Variants in PTPRG observed in about 807,000 individuals in gnomAD.
The protein encoded by PTPRG is protein tyrosine phosphatase receptor type G.
Under a neutral mutation model 165.3 loss-of-function variants are expected in PTPRG, and 102 were observed. That is an observed-to-expected ratio of 0.62 (90% confidence interval 0.53 to 0.73). The LOEUF (loss-of-function observed/expected upper bound fraction) is 0.73, where lower values mean the gene tolerates loss of function less well. PTPRG is among the 30% of genes least tolerant of loss of function. PTPRG has a pLI of 0.00. For missense variants in PTPRG, 1,866 were observed against 1,861.4 expected, an observed-to-expected ratio of 1.00 and a Z score of -0.05; for synonymous variants, 675 against 669.5, an observed-to-expected ratio of 1.01 and a Z score of -0.13.
At position 62,224,262 on chromosome 3, in the gene PTPRG, AG is replaced by A. The variant is rs556842191; in HGVS notation, c.2288+5280del. On this transcript the variant is annotated intron_variant, in intron 13 of 29. Transcript: ENST00000474889. The surrounding 1 kb of genome is among the most constrained non-coding windows in gnomAD (Gnocchi z 4.9). ...TTAGAGTAAGCTTCATTGATGTTGC[AG>A]CAGACACACCCTAGAACCCCAGTGG... Among the ~76,000 whole-genome samples the A allele has an allele frequency of 8.3e-4, 126 of 152,338 alleles. No homozygotes were observed. Among genetic ancestry groups the A allele is most frequent in the Non-Finnish European group, 1.6e-3 (112 of 68,036 alleles).
At chr3:62,131,043 T>C (rs1370844801) in intron 5 of PTPRG, among the ~76,000 whole-genome samples, 1 of 152,206 alleles carries the variant, frequency 6.6e-6, no homozygotes, top group African/African-American at 2.4e-5. Context: ...ATTCTGAATT[T>C]ACGCTCTAGA....
intron 8 of PTPRG, among the ~76,000 whole-genome samples, chr3:62,174,071 C>T (rs17066234): frequency 0.089 from 13,536 of 152,206 alleles, 867 homozygotes; most frequent in East Asian, 0.35. Flanking sequence ...CCTTTGTCGG[C>T]AAATAACTTA....
intron 2 of PTPRG, among the ~76,000 whole-genome samples, chr3:61,973,660 C>T (rs1044987746): frequency 1.3e-5 from 2 of 151,878 alleles, no homozygotes; most frequent in African/African-American, 2.4e-5. Flanking sequence ...GGTGAAACCT[C>T]ATCTCTACTA....
intron 2 of PTPRG, among the ~76,000 whole-genome samples, chr3:61,807,202 G>A (rs1248016564): frequency 1.3e-5 from 2 of 151,312 alleles, no homozygotes; most frequent in African/African-American, 4.8e-5. Flanking sequence ...TCTACCATTG[G>A]TCAGGGGAAA....
At chr3:61,840,782 G>GTTTTTTTT (rs149041037) in intron 2 of PTPRG, among the ~76,000 whole-genome samples, 29 of 120,088 alleles carry the variant, frequency 2.4e-4, no homozygotes, top group East Asian at 1.1e-3. Flanking sequence ...TTGTTTGTTT[G>GTTTTTTTT]TTTTTTTTTT....
intron 1 of PTPRG, among the ~76,000 whole-genome samples, chr3:61,715,640 T>A (rs941619355): frequency 9.9e-5 from 15 of 152,226 alleles, no homozygotes; most frequent in Non-Finnish European, 1.5e-4. Context: ...CAGGAGTGAG[T>A]GCAGCTGGGT....
At chr3:61,945,771 C>T (rs1316457382) in intron 2 of PTPRG, among the ~76,000 whole-genome samples, 1 of 152,084 alleles carries the variant, frequency 6.6e-6, no homozygotes, top group Admixed American at 6.6e-5. Flanking sequence ...TTAGAGAACA[C>T]ATTGCATAAC....
At chr3:62,119,779 C>A (rs1393307957) in intron 5 of PTPRG, among the ~76,000 whole-genome samples, 1 of 141,148 alleles carries the variant, frequency 7.1e-6, no homozygotes, top group East Asian at 2.1e-4. Context: ...GGCCACCACG[C>A]CTGGCTAATT....
At chr3:61,781,028 C>T (rs181017662) in intron 2 of PTPRG, among the ~76,000 whole-genome samples, 1 of 152,286 alleles carries the variant, frequency 6.6e-6, no homozygotes, top group African/African-American at 2.4e-5. Context: ...ACTTGGGTCT[C>T]TTTAGTTATC....
intron 4 of PTPRG, among the ~76,000 whole-genome samples, chr3:62,072,964 G>A (rs1436958284): frequency 6.6e-6 from 1 of 152,108 alleles, no homozygotes; most frequent in Non-Finnish European, 1.5e-5. Flanking sequence ...CTTGATAGGA[G>A]TTGCTAAAAA....
Position 62,210,142 on chromosome 3 carries a change from A to G in PTPRG, c.2155+6192A>G, listed in dbSNP as rs1231099733. Among the ~76,000 whole-genome samples the G allele has an allele frequency of 6.6e-6, 1 of 152,200 alleles. No homozygotes were observed. The highest frequency in any genetic ancestry group is 1.9e-4 in the East Asian group (1 of 5,196). ...TCTGGTGAATTAAGCTCTGCATGAA[A>G]TGGTAAGGGAGCACTTATTCACAGG... On this transcript the variant is annotated intron_variant, in intron 12 of 29. Transcript: ENST00000474889. The surrounding 1 kb of genome is among the most constrained non-coding windows in gnomAD (Gnocchi z 4.1).
intron 4 of PTPRG, among the ~76,000 whole-genome samples, chr3:62,057,446 C>T (rs1358266405): frequency 6.6e-6 from 1 of 152,182 alleles, no homozygotes; most frequent in African/African-American, 2.4e-5. Context: ...ATGCCATTTC[C>T]TGAGACACGT....
rs996084771 is a variant in PTPRG, at chr3:62,083,945, T to C, written c.615+5687T>C. On this transcript the variant is annotated intron_variant, in intron 5 of 29. Transcript: ENST00000474889. ...TATATTGTTATTGAATTTATTATCT[T>C]AAGGGGAACATCTCATTCATTTCAT... 4.6e-5 allele frequency among the ~76,000 whole-genome samples: 7 copies of C among 152,230 alleles called. 1 individual carries two copies. Among genetic ancestry groups the C allele is most frequent in the South Asian group, 2.1e-4 (1 of 4,830 alleles).
chr3:61,669,598 A>G (rs1229295736), intron 1 of PTPRG, among the ~76,000 whole-genome samples: 2 of 152,188 alleles, frequency 1.3e-5, no homozygotes, highest in African/African-American at 2.4e-5. Flanking sequence ...CCTGCAGTGT[A>G]TTGTTGAATG....
At chr3:61,783,817 G>C (rs1163718283) in intron 2 of PTPRG, among the ~76,000 whole-genome samples, 1 of 152,148 alleles carries the variant, frequency 6.6e-6, no homozygotes. Context: ...GTTGCATATC[G>C]GGGCCTTGTC....
chr3:61,699,254 T>C (rs1261518221), intron 1 of PTPRG, among the ~76,000 whole-genome samples: 1 of 152,208 alleles, frequency 6.6e-6, no homozygotes, highest in Non-Finnish European at 1.5e-5. Flanking sequence ...AAAAATTATT[T>C]TTCAAAACAA....
At chr3:61,698,177 G>T (rs2030721784) in intron 1 of PTPRG, among the ~76,000 whole-genome samples, 1 of 151,936 alleles carries the variant, frequency 6.6e-6, no homozygotes, top group Non-Finnish European at 1.5e-5. Context: ...TTTGTTATAG[G>T]GGCCTCAACC....
intron 2 of PTPRG, among the ~76,000 whole-genome samples, chr3:61,794,080 C>T (rs750137338): frequency 3.3e-5 from 5 of 152,076 alleles, no homozygotes; most frequent in Non-Finnish European, 5.9e-5. Flanking sequence ...TTTTCTGTTT[C>T]GTTTGCCCAA....
intron 2 of PTPRG, among the ~76,000 whole-genome samples, chr3:61,987,853 T>C (rs1448141637): frequency 1.3e-5 from 2 of 152,180 alleles, no homozygotes; most frequent in Non-Finnish European, 2.9e-5. Context: ...TCCTTTTTTT[T>C]CTTTTTTCTC....
Sources: allele counts gnomAD v4.1 joint callset (sites outside exome capture counted in the v4.1 genomes callset), GRCh38; gene constraint gnomAD v4.1.1; non-coding constraint Gnocchi (gnomAD v3.1); transcripts MANE v1.5; gene names NCBI Gene and HGNC (gene_info 2026-07-23, HGNC 2026-07-21).